CNTN3: variants seen among roughly 807,000 people sequenced by gnomAD.
CNTN3 encodes the protein contactin 3.
In CNTN3, 60 loss-of-function variants were observed where a neutral mutation model predicts 119.1. The observed-to-expected ratio is 0.50, with a 90% CI of 0.41 to 0.62. The LOEUF (loss-of-function observed/expected upper bound fraction) is 0.62, where lower values mean the gene tolerates loss of function less well. Among genes scored for constraint, CNTN3 ranks in the 20% least tolerant of loss-of-function variants. The probability of loss-of-function intolerance (pLI) is 0.00; values close to 1 mark genes in which losing one functional copy is unlikely to be tolerated. For missense variants in CNTN3, 1,101 were observed against 1,242.4 expected (o/e 0.89, Z 1.71); for synonymous variants, 450 against 438.7 (o/e 1.03, Z -0.32).
chr3:74,416,791 C>T (rs1048323091), intron 5 of CNTN3, among the ~76,000 whole-genome samples: 3 of 152,060 alleles, frequency 2.0e-5, no homozygotes, highest in Non-Finnish European at 2.9e-5. Flanking sequence ...AGATCGAGAA[C>T]AGGCTGGTCA....
intron 8 of CNTN3, among the ~76,000 whole-genome samples, chr3:74,367,887 T>C (rs1026533946): frequency 1.3e-5 from 2 of 151,974 alleles, no homozygotes; most frequent in Non-Finnish European, 2.9e-5. Flanking sequence ...CTAGATCAAG[T>C]AGTGGTTGCG....
intron 4 of CNTN3, among the ~76,000 whole-genome samples, chr3:74,465,053 A>G (rs1015677962): frequency 6.6e-6 from 1 of 152,300 alleles, no homozygotes; most frequent in East Asian, 1.9e-4. Flanking sequence ...AGCCAAGAGT[A>G]TATGTACCTT....
intron 1 of CNTN3, among the ~76,000 whole-genome samples, chr3:74,606,857 C>T (rs556495251): frequency 1.3e-5 from 2 of 152,212 alleles, no homozygotes; most frequent in South Asian, 4.1e-4. Context: ...CTAAAGTTTA[C>T]AGACTTAATT....
At chr3:74,526,164 C>T (rs572594602) in intron 1 of CNTN3, among the ~76,000 whole-genome samples, 17 of 151,744 alleles carry the variant, frequency 1.1e-4, no homozygotes, top group South Asian at 8.3e-4. Context: ...TCTCCAATTT[C>T]GATACTTCAG....
chr3:74,432,386 TAAA>T (rs772802742), intron 4 of CNTN3, among the ~76,000 whole-genome samples: 5 of 129,240 alleles, frequency 3.9e-5, no homozygotes, highest in African/African-American at 2.8e-5. Context: ...GCCAATGAGC[TAAA>T]AAAAAAAAAA....
chr3:74,263,533 T>C lies in CNTN3; in HGVS notation c.*868A>G, dbSNP rs1701615017. ...CCTTTTTTAATTTAAAAAAACTTTT[T>C]TTTTTTGAGAAAGAATAAAATGTGA... is the stretch of plus-strand genomic sequence containing the variant. On this transcript the variant is annotated 3_prime_UTR_variant, in exon 23 of 23. Coordinates refer to ENST00000263665, the MANE Select transcript of CNTN3 (RefSeq NM_020872.3). 6.6e-6 allele frequency: 1 copy of C among 152,100 alleles called. No individual in the cohort carries two copies. Among genetic ancestry groups the C allele is most frequent in the East Asian group, 1.9e-4 (1 of 5,200 alleles). 9.4% of individuals were successfully genotyped at this position (152,100 alleles called of 1,614,324 possible). A position where few individuals can be genotyped will look rare whatever the true frequency, so the allele number is the denominator to read the frequency against.
At chr3:74,397,789 T>C (rs1705093700) in intron 5 of CNTN3, among the ~76,000 whole-genome samples, 1 of 152,194 alleles carries the variant, frequency 6.6e-6, no homozygotes, top group South Asian at 2.1e-4. Flanking sequence ...ACACTCATGA[T>C]TCATGAGAAG....
intron 5 of CNTN3, among the ~76,000 whole-genome samples, chr3:74,397,303 A>G (rs781065327): frequency 1.3e-5 from 2 of 152,200 alleles, no homozygotes; most frequent in Non-Finnish European, 2.9e-5. Context: ...ATTCCTTTAC[A>G]AATATTACTG....
At chr3:74,553,911 C>T (rs890519960) in intron 1 of CNTN3, among the ~76,000 whole-genome samples, 4 of 152,074 alleles carry the variant, frequency 2.6e-5, no homozygotes, top group African/African-American at 9.7e-5. Flanking sequence ...TGCAGAAGCT[C>T]TTTAGTTTAA....
At chr3:74,304,333 T>C (rs1300775040) in intron 13 of CNTN3, among the ~76,000 whole-genome samples, 1 of 152,212 alleles carries the variant, frequency 6.6e-6, no homozygotes, top group African/African-American at 2.4e-5. Flanking sequence ...TATTTAGAAA[T>C]GTATCCCCAG....
At chr3:74,349,225 A>G (rs549493777) in intron 11 of CNTN3, among the ~76,000 whole-genome samples, 13 of 152,376 alleles carry the variant, frequency 8.5e-5, no homozygotes, top group Admixed American at 7.8e-4. Flanking sequence ...TAGAGTACAA[A>G]CAGGGATAAG....
chr3:74,351,646 T>C (rs2106749177), intron 11 of CNTN3, among the ~76,000 whole-genome samples: 1 of 152,308 alleles, frequency 6.6e-6, no homozygotes, highest in Middle Eastern at 3.4e-3. Context: ...CAGTTAGGCA[T>C]TAATAATTCA....
intron 3 of CNTN3, among the ~76,000 whole-genome samples, chr3:74,487,159 T>C (rs1285651236): frequency 6.6e-6 from 1 of 152,160 alleles, no homozygotes; most frequent in South Asian, 2.1e-4. Context: ...ATTTACAAAA[T>C]GGTACACTGT....
intron 19 of CNTN3, among the ~76,000 whole-genome samples, chr3:74,287,376 CTTAAT>C (rs1702135566): frequency 1.3e-5 from 2 of 151,970 alleles, no homozygotes; most frequent in South Asian, 4.2e-4. Flanking sequence ...AGAGATTTCA[CTTAAT>C]TTAAATTTAA....
At chr3:74,355,647 G>A (rs775629781) in intron 11 of CNTN3, among the ~76,000 whole-genome samples, 14 of 152,080 alleles carry the variant, frequency 9.2e-5, no homozygotes, top group Middle Eastern at 6.8e-3. Flanking sequence ...TAGAGATGGG[G>A]TTTCACCATG....
At position 74,263,556 on chromosome 3, in the gene CNTN3, T is replaced by A. The variant is rs1244310696; in HGVS notation, c.*845A>T. On this transcript the variant is annotated 3_prime_UTR_variant, in exon 23 of 23. Transcript: ENST00000263665. ...TTTTTTTTTGAGAAAGAATAAAATG[T>A]GATCATTTGAATTTTGGAATATAAC... 1 of 152,070 alleles carries A rather than the reference T, an allele frequency of 6.6e-6. No individual in the cohort carries two copies. Among genetic ancestry groups the A allele is most frequent in the Non-Finnish European group, 1.5e-5 (1 of 67,986 alleles). The allele number at this position is 152,070 out of a possible 1,614,324, so 9.4% of individuals were successfully genotyped here. A position where few individuals can be genotyped will look rare whatever the true frequency, so the allele number is the denominator to read the frequency against.
chr3:74,355,697 G>A (rs1461727813), intron 11 of CNTN3, among the ~76,000 whole-genome samples: 6 of 151,860 alleles, frequency 4.0e-5, no homozygotes, highest in Admixed American at 3.3e-4. Context: ...TCAAATGATC[G>A]ACGTGCCTCG....
At chr3:74,551,353 C>A (rs1703987039) in intron 1 of CNTN3, among the ~76,000 whole-genome samples, 1 of 152,146 alleles carries the variant, frequency 6.6e-6, no homozygotes, top group South Asian at 2.1e-4. Context: ...AGGTTTCCAG[C>A]AAAACTGAGA....
intron 1 of CNTN3, among the ~76,000 whole-genome samples, chr3:74,572,623 A>G (rs1704352817): frequency 6.6e-6 from 1 of 152,208 alleles, no homozygotes; most frequent in South Asian, 2.1e-4. Context: ...ACACTAATTA[A>G]ACTCTTAAAT....
Sources: gnomAD v4.1 joint callset for allele counts (sites outside exome capture counted in the v4.1 genomes callset) on GRCh38, gnomAD v4.1.1 for gene constraint, MANE v1.5 for transcripts, NCBI Gene and HGNC (gene_info 2026-07-23, HGNC 2026-07-21) for gene names.